ZFAND3: variants seen among roughly 807,000 people sequenced by gnomAD.
ZFAND3 encodes the protein zinc finger AN1-type containing 3, also known as AN1-type zinc finger protein 3.
Under a neutral mutation model 29.6 loss-of-function variants are expected in ZFAND3, and 10 were observed. The ratio of observed to expected loss-of-function variants is 0.34; its 90% CI spans 0.21 to 0.57. The LOEUF (loss-of-function observed/expected upper bound fraction) is 0.57. Among genes scored for constraint, ZFAND3 ranks in the 20% least tolerant of loss-of-function variants. The probability of loss-of-function intolerance (pLI) is 0.86; values close to 1 mark genes in which losing one functional copy is unlikely to be tolerated. For synonymous variants in ZFAND3, 128 were observed against 112.6 expected (o/e 1.14, Z -0.87); for missense variants, 230 against 304.5 (o/e 0.76, Z 1.82).
intron 3 of ZFAND3, among the ~76,000 whole-genome samples, chr6:38,063,514 A>G (rs779645753): frequency 6.6e-6 from 1 of 152,170 alleles, no homozygotes; most frequent in Non-Finnish European, 1.5e-5. Flanking sequence ...GCATACACCC[A>G]TGTTGGTCCT....
At chr6:37,994,161 T>C (rs138659551) in intron 2 of ZFAND3, among the ~76,000 whole-genome samples, 1 of 152,254 alleles carries the variant, frequency 6.6e-6, no homozygotes, top group African/African-American at 2.4e-5. Flanking sequence ...ACAAAAAATA[T>C]GATTACTTAA....
At chr6:38,066,820 A>G (rs1764355229) in intron 3 of ZFAND3, among the ~76,000 whole-genome samples, 1 of 152,188 alleles carries the variant, frequency 6.6e-6, no homozygotes, top group African/African-American at 2.4e-5. Flanking sequence ...ACTAATTTTT[A>G]CCCAAAAGAA....
At chr6:37,946,398 A>G (rs1400186743) in intron 2 of ZFAND3, among the ~76,000 whole-genome samples, 3 of 152,216 alleles carry the variant, frequency 2.0e-5, no homozygotes, top group African/African-American at 7.2e-5. Context: ...ACATTTAGAG[A>G]AGCCCTTCCC....
In ZFAND3 at chr6:38,099,180, A is replaced by G. The variant is rs142274104; in HGVS notation, c.361+16723A>G. Among the ~76,000 whole-genome samples, 609 of 152,306 alleles carry G rather than the reference A, an allele frequency of 4.0e-3. 3 individuals carry two copies. Among genetic ancestry groups the G allele is most frequent in the African/African-American group, 0.014 (585 of 41,562 alleles). On this transcript the variant is annotated intron_variant, in intron 4 of 5. Transcript: ENST00000287218. ...TCTTGCGATTAAAATCTGGGTAAGA[A>G]AGACTGGCTGTTGCATCCAAACCAA...
At chr6:38,120,320 C>CTTT (rs70981523) in intron 5 of ZFAND3, among the ~76,000 whole-genome samples, 1,062 of 60,704 alleles carry the variant, frequency 0.017, 214 homozygotes, top group East Asian at 0.028. Context: ...GCTTGGCTTC[C>CTTT]TTTTTTTTTT....
chr6:38,067,105 A>G (rs1041906185), intron 3 of ZFAND3, among the ~76,000 whole-genome samples: 1 of 152,218 alleles, frequency 6.6e-6, no homozygotes, highest in Non-Finnish European at 1.5e-5. Context: ...TGTTCCAAGT[A>G]CCTTATATGC....
intron 4 of ZFAND3, among the ~76,000 whole-genome samples, chr6:38,113,571 G>T (rs1765360136): frequency 6.6e-6 from 1 of 152,184 alleles, no homozygotes; most frequent in African/African-American, 2.4e-5. Flanking sequence ...GGTCAAGACT[G>T]CACAGGCCTC....
intron 2 of ZFAND3, among the ~76,000 whole-genome samples, chr6:38,001,332 G>A (rs976963033): frequency 5.9e-5 from 9 of 152,176 alleles, no homozygotes; most frequent in Admixed American, 5.9e-4. Flanking sequence ...TACTACTAGT[G>A]TTTGACCTTC....
intron 1 of ZFAND3, among the ~76,000 whole-genome samples, chr6:37,826,903 G>C (rs1314324988): frequency 6.6e-6 from 1 of 152,154 alleles, no homozygotes. Context: ...CTACTTTTAA[G>C]TACTCACTAG....
intron 5 of ZFAND3, among the ~76,000 whole-genome samples, chr6:38,141,716 A>G (rs894840360): frequency 8.5e-5 from 13 of 152,154 alleles, no homozygotes; most frequent in Non-Finnish European, 1.5e-4. Context: ...CAGAATCTAG[A>G]TGGGGAGGTA....
chr6:38,041,704 TCCTC>T (rs1763776964), intron 2 of ZFAND3, among the ~76,000 whole-genome samples: 14 of 444 alleles, frequency 0.032, 1 homozygote, highest in Non-Finnish European at 0.073. Context: ...CTTCTCCTCC[TCCTC>T]CTCCTCCTCC....
intron 2 of ZFAND3, among the ~76,000 whole-genome samples, chr6:38,036,757 A>G (rs1763665329): frequency 6.6e-6 from 1 of 152,168 alleles, no homozygotes; most frequent in South Asian, 2.1e-4. Flanking sequence ...ATGAGTATAT[A>G]TTTTTTATTA....
intron 1 of ZFAND3, among the ~76,000 whole-genome samples, chr6:37,830,005 C>T (rs1452974984): frequency 3.9e-5 from 6 of 152,316 alleles, no homozygotes; most frequent in Non-Finnish European, 8.8e-5. Context: ...TGGTTTTAAA[C>T]TTTCTAGGAT....
intron 2 of ZFAND3, among the ~76,000 whole-genome samples, chr6:38,054,859 T>C (rs1764103799): frequency 6.6e-6 from 1 of 152,258 alleles, no homozygotes; most frequent in African/African-American, 2.4e-5. Context: ...CAGAATTTTA[T>C]TAAGATTTTA....
intron 5 of ZFAND3, among the ~76,000 whole-genome samples, chr6:38,133,810 G>C (rs892029715): frequency 6.6e-6 from 1 of 151,676 alleles, no homozygotes; most frequent in African/African-American, 2.4e-5. Context: ...AGTTGAAACT[G>C]AAACTTTGAA....
chr6:37,943,169 G>A (rs1761841547), intron 2 of ZFAND3, among the ~76,000 whole-genome samples: 1 of 152,114 alleles, frequency 6.6e-6, no homozygotes, highest in Admixed American at 6.6e-5. Context: ...CTAAACATAG[G>A]CATTTCTAAC....
intron 1 of ZFAND3, among the ~76,000 whole-genome samples, chr6:37,847,345 G>C (rs770661907): frequency 2.6e-5 from 4 of 152,014 alleles, no homozygotes; most frequent in Non-Finnish European, 5.9e-5. Context: ...GGAGGCTGAG[G>C]GGGGCGGATC....
intron 1 of ZFAND3, among the ~76,000 whole-genome samples, chr6:37,916,043 A>G (rs1181842101): frequency 1.3e-5 from 2 of 151,194 alleles, no homozygotes; most frequent in African/African-American, 4.9e-5. Context: ...TGCTGGGATT[A>G]CAGGCATGAG....
At chr6:37,929,152 A>C (rs922032079) in intron 1 of ZFAND3, among the ~76,000 whole-genome samples, 4 of 152,192 alleles carry the variant, frequency 2.6e-5, no homozygotes, top group African/African-American at 9.7e-5. Context: ...TCACTGCAAA[A>C]ATTCAAAAAA....
Sources: gnomAD v4.1 joint callset for allele counts (sites outside exome capture counted in the v4.1 genomes callset) on GRCh38, gnomAD v4.1.1 for gene constraint, MANE v1.5 for transcripts, NCBI Gene and HGNC (gene_info 2026-07-23, HGNC 2026-07-21) for gene names.